Variants in NME9 observed in about 807,000 individuals in gnomAD.
NME9 encodes the protein thioredoxin domain-containing protein 6.
A neutral mutation model predicts 44.4 loss-of-function variants in NME9; 48 were observed. The observed-to-expected ratio is 1.08, with a 90% CI of 0.86 to 1.37. The LOEUF (loss-of-function observed/expected upper bound fraction) is 1.37. Among genes scored for constraint, NME9 ranks in the 40% most tolerant of loss-of-function variants. The pLI, the probability that NME9 is intolerant of heterozygous loss-of-function variation, is 0.00. For missense variants in NME9, 325 were observed against 405.2 expected (o/e 0.80, Z 1.70); for synonymous variants, 139 against 147.1 (o/e 0.94, Z 0.40).
chr3:138,278,888 G>A (rs1365001267), intron 8 of NME9, among the ~76,000 whole-genome samples: 1 of 152,104 alleles, frequency 6.6e-6, no homozygotes, highest in Non-Finnish European at 1.5e-5. Flanking sequence ...TCGTATGTCA[G>A]TCTTGTATCC....
chr3:138,294,364 G>A (rs781410664), intron 8 of NME9, among the ~76,000 whole-genome samples: 3 of 152,158 alleles, frequency 2.0e-5, no homozygotes, highest in Non-Finnish European at 4.4e-5. Flanking sequence ...GTTCTTCTCA[G>A]CCTCTTTAAG....
rs2050173874 is a variant in NME9 at position 138,284,017 on chromosome 3, G to A, written c.745+19490C>T. ...AAAGGGAGGCTTCCCTGGGAGGGGAGTTGCAACACCTACAGAGCTTCCACC... is the reference window on the plus strand; with the variant it reads ...AAAGGGAGGCTTCCCTGGGAGGGGAATTGCAACACCTACAGAGCTTCCACC... On this transcript the variant is annotated intron_variant, in intron 8 of 8. Transcript: ENST00000317876. Among the ~76,000 whole-genome samples the A allele has an allele frequency of 4.6e-5, 7 of 152,324 alleles. No homozygotes were observed. The South Asian group carries it at 1.5e-3, about 32-fold the overall frequency.
chr3:138,301,706 T>C lies in NME9; in HGVS notation c.929-2A>G. On this transcript the variant is annotated splice_acceptor_variant, in intron 10 of 10. Coordinates refer to ENST00000333911, the MANE Select transcript of NME9 (RefSeq NM_001349018.2). LOFTEE classifies it high-confidence loss of function. ...CCGCTGTTGCTTCAGCCTCACCGCC[T>C]GTGGGATGACAGATGTTTGGTAGGA... 1 of 1,535,782 alleles carries C rather than the reference T, an allele frequency of 6.5e-7. No individual in the cohort carries two copies. Among genetic ancestry groups the C allele is most frequent in the Non-Finnish European group, 8.7e-7 (1 of 1,146,596 alleles).
At chr3:138,324,807 G>T in intron 2 of NME9, 66 bp downstream of exon 2, 1 of 1,274,326 alleles carries the variant, frequency 7.8e-7, no homozygotes, top group Non-Finnish European at 1.1e-6. Context: ...TTCTCTTCAT[G>T]GTTCATCACA....
Position 138,329,530 on chromosome 3 carries a change from C to T in NME9, c.-195G>A, listed in dbSNP as rs2053995543. On this transcript the variant is annotated 5_prime_UTR_variant, in exon 1 of 11. Transcript: ENST00000333911. The stretch of plus-strand genomic sequence containing the variant: ...ACACTGATACAAAGTGAACACCCCG[C>T]GAGGAAGCGGAGCCTGCAGTCCACG... 2.2e-6 allele frequency: 3 copies of T among 1,373,652 alleles called. No individual in the cohort carries two copies. The Admixed American group carries it at 1.0e-4, about 48-fold the overall frequency. 85.1% of individuals were successfully genotyped at this position (1,373,652 alleles called of 1,614,324 possible). A position where few individuals can be genotyped will look rare whatever the true frequency, so the allele number is the denominator to read the frequency against.
chr3:138,266,333 C>G (rs2048284600), intron 8 of NME9, among the ~76,000 whole-genome samples: 1 of 152,126 alleles, frequency 6.6e-6, no homozygotes, highest in Non-Finnish European at 1.5e-5. Context: ...TTGGAACACA[C>G]TTGCTTATGG....
chr3:138,302,538 G>T (rs2051920188), intron 10 of NME9, among the ~76,000 whole-genome samples: 1 of 152,084 alleles, frequency 6.6e-6, no homozygotes, highest in Admixed American at 6.5e-5. Context: ...GTGTCAGTGG[G>T]TCTCTGATCC....
chr3:138,292,032 TTTTC>T (rs2050997916), intron 8 of NME9, among the ~76,000 whole-genome samples: 1 of 152,150 alleles, frequency 6.6e-6, no homozygotes, highest in South Asian at 2.1e-4. Flanking sequence ...CTTTTTCTTT[TTTTC>T]TTTCTTTTCT....
At chr3:138,278,864 T>C (rs1196010810) in intron 8 of NME9, among the ~76,000 whole-genome samples, 1 of 152,216 alleles carries the variant, frequency 6.6e-6, no homozygotes, top group African/African-American at 2.4e-5. Flanking sequence ...TGTTAGTATA[T>C]GGTAATAAAA....
chr3:138,322,485 GGTGTGTGTGTGTGT>G (rs10580643), intron 2 of NME9, among the ~76,000 whole-genome samples: 5 of 146,432 alleles, frequency 3.4e-5, no homozygotes, highest in East Asian at 4.1e-4. Flanking sequence ...AAGAAAAAGG[GGTGTGTGTGTGTGT>G]GTGTGTGTGT....
chr3:138,274,557 T>TTTC, intron 8 of NME9: 1 of 1,581,138 alleles, frequency 6.3e-7, no homozygotes. Context: ...ACGTTGTTCC[T>TTTC]TTCTCTTGGG....
Position 138,301,008 on chromosome 3 carries a change from T to C in NME9, c.*632A>G, listed in dbSNP as rs929467389. ...TTAAGTTCTAAAATTGTTTAATTCA[T>C]AAGGTAGATTTATTGTTGGGGAAAC... is the stretch of plus-strand genomic sequence containing the variant. On this transcript the variant is annotated 3_prime_UTR_variant, in exon 11 of 11. Transcript: ENST00000333911. The C allele has an allele frequency of 1.9e-4, 181 of 961,816 alleles. No homozygotes were observed. Among genetic ancestry groups the C allele is most frequent in the Non-Finnish European group, 2.2e-4 (178 of 808,582 alleles). 59.6% of individuals were successfully genotyped at this position (961,816 alleles called of 1,614,324 possible).
chr3:138,326,061 T>C (rs1307297998), intron 1 of NME9, among the ~76,000 whole-genome samples: 1 of 152,246 alleles, frequency 6.6e-6, no homozygotes, highest in Non-Finnish European at 1.5e-5. Flanking sequence ...TCTTTAGTCT[T>C]TCTCTTCTTT....
rs188192343 is a variant in NME9 at position 138,271,226 on chromosome 3, C to G, written c.746-8640G>C. Reference sequence around the variant, plus strand: ...ACTTTGCACAGCTTTTAGCACTTCTCTTTCTTGAAACTCCTTCCCAGGACT... The same window carrying G: ...ACTTTGCACAGCTTTTAGCACTTCTGTTTCTTGAAACTCCTTCCCAGGACT... On this transcript the variant is annotated intron_variant, in intron 8 of 8. Coordinates refer to the NME9 transcript ENST00000317876. 4.1e-4 allele frequency among the ~76,000 whole-genome samples: 63 copies of G among 152,282 alleles called. 1 individual carries two copies. The highest frequency in any genetic ancestry group is 1.3e-3 in the Admixed American group (20 of 15,300).
intron 8 of NME9, among the ~76,000 whole-genome samples, chr3:138,292,237 A>G (rs1358926483): frequency 6.6e-6 from 1 of 151,984 alleles, no homozygotes; most frequent in Admixed American, 6.6e-5. Flanking sequence ...ACAGGGTTTT[A>G]CCATGTTGGC....
At chr3:138,291,585 C>T (rs772302377) in intron 8 of NME9, among the ~76,000 whole-genome samples, 7 of 152,056 alleles carry the variant, frequency 4.6e-5, no homozygotes, top group Admixed American at 2.6e-4. Context: ...CAAATGAATA[C>T]GTAACACAGT....
intron 8 of NME9, among the ~76,000 whole-genome samples, chr3:138,266,935 C>A (rs1434908181): frequency 6.6e-6 from 1 of 152,162 alleles, no homozygotes; most frequent in Non-Finnish European, 1.5e-5. Context: ...AGTGAGGCTG[C>A]AGCTTCTCCA....
At chr3:138,320,528 A>T (rs961640267) in intron 2 of NME9, among the ~76,000 whole-genome samples, 1 of 152,258 alleles carries the variant, frequency 6.6e-6, no homozygotes, top group Non-Finnish European at 1.5e-5. Flanking sequence ...TACTTATTGC[A>T]GATTCACATT....
chr3:138,292,072 T>C (rs930626604), intron 8 of NME9, among the ~76,000 whole-genome samples: 4 of 152,168 alleles, frequency 2.6e-5, no homozygotes, highest in Non-Finnish European at 5.9e-5. Context: ...AGTTTCACTC[T>C]TGTTGCCCAG....
Sources: allele counts gnomAD v4.1 joint callset (sites outside exome capture counted in the v4.1 genomes callset), GRCh38; gene constraint gnomAD v4.1.1; transcripts MANE v1.5; gene names NCBI Gene and HGNC (gene_info 2026-07-23, HGNC 2026-07-21).